MDN1: variants seen among roughly 807,000 people sequenced by gnomAD.
MDN1 encodes the protein midasin.
In MDN1, 266 loss-of-function variants were observed where a neutral mutation model predicts 669.2. The observed-to-expected ratio is 0.40, with a 90% CI of 0.36 to 0.44. The LOEUF (loss-of-function observed/expected upper bound fraction) is 0.44, where lower values mean the gene tolerates loss of function less well. Among genes scored for constraint, MDN1 ranks in the 20% least tolerant of loss-of-function variants. The pLI is 1.00. For synonymous variants in MDN1, 2,385 were observed against 2,457.1 expected, an observed-to-expected ratio of 0.97 and a Z score of 0.87; for missense variants, 5,940 against 6,754.0, an observed-to-expected ratio of 0.88 and a Z score of 4.22.
At position 89,749,294 on chromosome 6, in the gene MDN1, T is replaced by A; in HGVS notation, c.3691A>T (p.Ile1231Phe). Residue 1231 changes from isoleucine (I) to phenylalanine (F), a missense_variant, in exon 26 of 102, where the codon ATC (isoleucine) becomes TTC (phenylalanine). This residue lies in a region of MDN1 where 2,292 missense variants were observed against 2,638.3 expected (regional missense o/e 0.87). Coordinates refer to ENST00000369393, the MANE Select transcript of MDN1 (RefSeq NM_014611.3). ...GGCAAACTACACCGCTTGTGCAAGATTGTTTCCAACTCGGAGCTAGGTAAC... is the reference window on the plus strand; with the variant it reads ...GGCAAACTACACCGCTTGTGCAAGAATGTTTCCAACTCGGAGCTAGGTAAC... ...DELPSSELET[I>F]LHKRCSLPPS... The A allele has an allele frequency of 6.2e-7, 1 of 1,614,134 alleles. No individual in the cohort carries two copies. Among genetic ancestry groups the A allele is most frequent in the Non-Finnish European group, 8.5e-7 (1 of 1,180,014 alleles).
chr6:89,702,304 A>G (rs1269691751), intron 53 of MDN1, among the ~76,000 whole-genome samples: 22 of 152,230 alleles, frequency 1.4e-4, no homozygotes, highest in Non-Finnish European at 1.2e-4. Context: ...TATTTGAAGC[A>G]TGAAGTTATT....
intron 15 of MDN1, among the ~76,000 whole-genome samples, chr6:89,766,256 G>A (rs1478914458): frequency 5.9e-5 from 9 of 151,638 alleles, no homozygotes; most frequent in African/African-American, 2.2e-4. Flanking sequence ...CTGAGATCAC[G>A]CTGCTGCACT....
At position 89,796,324 on chromosome 6, in the gene MDN1, C is replaced by CAAA. The variant is rs35169575; in HGVS notation, c.330-1526_330-1524dup. 5.5e-3 allele frequency among the ~76,000 whole-genome samples: 247 copies of CAAA among 45,184 alleles called. 14 individuals are homozygous for CAAA. Among genetic ancestry groups the CAAA allele is most frequent in the African/African-American group, 0.015 (105 of 6,788 alleles). 29.6% of individuals were successfully genotyped at this position (45,184 alleles called of 152,430 possible). A position where few individuals can be genotyped will look rare whatever the true frequency, so the allele number is the denominator to read the frequency against. ...GGGCGACAAGAGCAAAACTCTGTCT[C>CAAA]AAAAAAAAAAAAAAAAAAAAAAAAA... On this transcript the variant is annotated intron_variant, in intron 2 of 101. Coordinates refer to ENST00000369393, the MANE Select transcript of MDN1 (RefSeq NM_014611.3).
chr6:89,803,895 C>CTTTTTTTTTTT (rs56246331), intron 1 of MDN1, among the ~76,000 whole-genome samples: 20 of 76,406 alleles, frequency 2.6e-4, no homozygotes, highest in South Asian at 5.3e-4. Flanking sequence ...CTTTTCTTTT[C>CTTTTTTTTTTT]TTTTTTTTTT....
chr6:89,801,503 T>C (rs1267168531), intron 2 of MDN1, among the ~76,000 whole-genome samples: 1 of 152,002 alleles, frequency 6.6e-6, no homozygotes, highest in Non-Finnish European at 1.5e-5. Flanking sequence ...ATACAAAAAT[T>C]AGCCAGGTGT....
chr6:89,751,641 C>A, intron 22 of MDN1, 59 bp from the exon 23 acceptor site: 1 of 1,548,002 alleles, frequency 6.5e-7, no homozygotes, highest in Non-Finnish European at 8.7e-7. Flanking sequence ...CAGAGAAGGG[C>A]ATAAAGTAGG....
intron 7 of MDN1, among the ~76,000 whole-genome samples, chr6:89,788,288 A>C (rs1819074354): frequency 6.6e-6 from 1 of 152,206 alleles, no homozygotes; most frequent in African/African-American, 2.4e-5. Flanking sequence ...GTACCCCAGG[A>C]GTATACAAAG....
intron 32 of MDN1, 69 bp downstream of exon 32, chr6:89,740,165 C>T: frequency 6.5e-7 from 1 of 1,529,258 alleles, no homozygotes; most frequent in Non-Finnish European, 8.9e-7. Context: ...TTATTACATA[C>T]TATATTTACG....
rs1198563002 is a variant in MDN1, at chr6:89,714,700, C to T, written c.6912G>A (p.Arg2304=). 1 of 1,614,032 alleles carries T rather than the reference C, an allele frequency of 6.2e-7. No homozygotes were observed. The highest frequency in any genetic ancestry group is 8.5e-7 in the Non-Finnish European group (1 of 1,180,000). Residue 2304 remains arginine (R), a synonymous_variant, in exon 46 of 102, where the codon AGG becomes AGA. Transcript: ENST00000369393. The part of the protein sequence containing the change: ...PVHGDISRAM[R]NRGLEIYISG... ...AAATGTAGATTTCAAGTCCACGATT[C>T]CTCATAGCTCGGGATATATCTCCAT...
intron 80 of MDN1, 60 bp downstream of exon 80, chr6:89,673,176 A>T: frequency 7.2e-7 from 1 of 1,386,262 alleles, no homozygotes; most frequent in Admixed American, 1.7e-5. Flanking sequence ...TGAGACTTAC[A>T]TCTATAAGAC....
chr6:89,770,270 G>A (rs746053429), intron 15 of MDN1, among the ~76,000 whole-genome samples: 41 of 151,922 alleles, frequency 2.7e-4, no homozygotes, highest in Non-Finnish European at 5.3e-4. Flanking sequence ...TGGGCATGGT[G>A]GTGTGTGCCT....
chr6:89,700,916 G>A, intron 55 of MDN1, 60 bp from the exon 56 acceptor site: 3 of 1,329,260 alleles, frequency 2.3e-6, no homozygotes, highest in Non-Finnish European at 3.2e-6. Context: ...TTCTTTAGTA[G>A]CCTATACAGG....
At chr6:89,700,950 T>C in intron 55 of MDN1, 94 bp from the exon 56 acceptor site, 1 of 1,020,780 alleles carries the variant, frequency 9.8e-7, no homozygotes, top group South Asian at 1.7e-5. Context: ...TTATGATATA[T>C]TCTTAATGTT....
In MDN1 at chr6:89,785,569, T is replaced by C. The variant is rs137995550; in HGVS notation, c.1335-443A>G. On this transcript the variant is annotated intron_variant, in intron 8 of 101. Coordinates refer to ENST00000369393, the MANE Select transcript of MDN1 (RefSeq NM_014611.3). Reference sequence around the variant, plus strand: ...AAGAGAAAAAAGTAGAGAAGGAATATACATTAAACATACACTCTGGGGAAG... The same window carrying C: ...AAGAGAAAAAAGTAGAGAAGGAATACACATTAAACATACACTCTGGGGAAG... Among the ~76,000 whole-genome samples the C allele has an allele frequency of 3.7e-3, 567 of 152,278 alleles. 2 individuals carry two copies. The highest frequency in any genetic ancestry group is 0.013 in the African/African-American group (539 of 41,560).
At chr6:89,758,127 G>A in intron 19 of MDN1, 128 bp downstream of exon 19, 1 of 667,542 alleles carries the variant, frequency 1.5e-6, no homozygotes, top group Non-Finnish European at 2.6e-6. Flanking sequence ...GGTGGGAGGT[G>A]GGAGGTGGGA....
chr6:89,685,441 C>A (rs530509039), intron 70 of MDN1, among the ~76,000 whole-genome samples: 4 of 152,044 alleles, frequency 2.6e-5, no homozygotes, highest in Non-Finnish European at 4.4e-5. Context: ...TACTTGACAG[C>A]GGGCAGTTTT....
At chr6:89,658,562 C>G in intron 89 of MDN1, 48 bp downstream of exon 89, 1 of 1,566,076 alleles carries the variant, frequency 6.4e-7, no homozygotes, top group Non-Finnish European at 8.7e-7. Context: ...GGTGACTTCT[C>G]CTCTTCCTCA....
intron 1 of MDN1, among the ~76,000 whole-genome samples, chr6:89,813,971 G>A (rs1202775510): frequency 2.7e-5 from 4 of 150,786 alleles, no homozygotes; most frequent in Admixed American, 6.6e-5. Flanking sequence ...CATGCCTATA[G>A]TTCCAGCTAC....
At chr6:89,646,722 A>T in intron 99 of MDN1, 119 bp from the exon 100 acceptor site, 2 of 810,844 alleles carry the variant, frequency 2.5e-6, no homozygotes, top group Non-Finnish European at 2.1e-6. Context: ...TCAGGTTTAC[A>T]GACCATCAAC....
Sources: gnomAD v4.1 joint callset for allele counts (sites outside exome capture counted in the v4.1 genomes callset) on GRCh38, gnomAD v4.1.1 for gene constraint, gnomAD v4.1.1 regional missense constraint, MANE v1.5 for transcripts, NCBI Gene and HGNC (gene_info 2026-07-23, HGNC 2026-07-21) for gene names.